PHIP: variants seen among roughly 807,000 people sequenced by gnomAD.
PHIP encodes PHIP subunit of CUL4-Ring ligase complex.
In PHIP, 54 loss-of-function variants were observed where a neutral mutation model predicts 236.8. That is an observed-to-expected ratio of 0.23 (90% CI 0.18 to 0.29). The LOEUF (loss-of-function observed/expected upper bound fraction) is 0.29. Ranked by LOEUF, PHIP falls within the 10% of genes least tolerant of loss-of-function variation. The pLI, the probability that PHIP is intolerant of heterozygous loss-of-function variation, is 1.00. For synonymous variants in PHIP, 756 were observed against 718.9 expected (o/e 1.05, Z -0.83); for missense variants, 1,370 against 2,190.8 (o/e 0.63, Z 7.48).
Position 78,941,062 on chromosome 6 carries a change from A to G in PHIP, c.5097T>C (p.Asn1699=), listed in dbSNP as rs202143050. ...TCTGTAACAAATCTTCCTTTACATTATTAGTTTCAGAAAGAAAATTGCATG... is the reference window on the plus strand; with the variant it reads ...TCTGTAACAAATCTTCCTTTACATTGTTAGTTTCAGAAAGAAAATTGCATG... ...SSTCNFLSET[N]NVKEDLLQKK... is the part of the protein sequence containing the mutation. Residue 1699 remains asparagine (N), a synonymous_variant, in exon 40 of 40, where the codon AAT becomes AAC. Transcript: ENST00000275034. 105 of 1,613,984 alleles carry G rather than the reference A, an allele frequency of 6.5e-5. No individual in the cohort carries two copies. In the East Asian group the frequency reaches 2.3e-3, roughly 35 times the overall value.
At chr6:79,022,641 C>T (rs1438951427) in intron 9 of PHIP, among the ~76,000 whole-genome samples, 1 of 152,162 alleles carries the variant, frequency 6.6e-6, no homozygotes, top group African/African-American at 2.4e-5. Context: ...ATATTATATG[C>T]ATATTTTAGG....
At chr6:78,966,764 TA>T (rs1485326851) in intron 27 of PHIP, among the ~76,000 whole-genome samples, 2 of 152,224 alleles carry the variant, frequency 1.3e-5, no homozygotes, top group Non-Finnish European at 2.9e-5. Flanking sequence ...TTCTGTGTCA[TA>T]AGAAAACTGT....
At chr6:79,009,585 C>T (rs532106574) in intron 15 of PHIP, among the ~76,000 whole-genome samples, 11 of 152,122 alleles carry the variant, frequency 7.2e-5, no homozygotes, top group South Asian at 4.1e-4. Context: ...AAAAAGACCA[C>T]GTCTTATTCT....
At chr6:79,000,284 G>C (rs1184842573) in intron 17 of PHIP, among the ~76,000 whole-genome samples, 2 of 151,850 alleles carry the variant, frequency 1.3e-5, no homozygotes, top group East Asian at 3.9e-4. Context: ...TTATTGCTAT[G>C]GATTCTCTTA....
rs1279364613 is a variant in PHIP at position 78,939,248 on chromosome 6, A to G, written c.*1445T>C. The G allele has an allele frequency of 3.3e-5, 5 of 151,814 alleles. No homozygotes were observed. Among genetic ancestry groups the G allele is most frequent in the Non-Finnish European group, 7.4e-5 (5 of 67,728 alleles). The allele number at this position is 151,814 out of a possible 1,614,324, so 9.4% of individuals were successfully genotyped here. ...CTAAGTCATATAGTTATCATTTACAATAGACAACTTAATTTTACTAATGAT... is the reference window on the plus strand; with the variant it reads ...CTAAGTCATATAGTTATCATTTACAGTAGACAACTTAATTTTACTAATGAT... On this transcript the variant is annotated 3_prime_UTR_variant, in exon 40 of 40. Transcript: ENST00000275034.
rs1773898903 is a variant in PHIP at position 78,947,638 on chromosome 6, T to C, written c.4191A>G (p.Pro1397=). Residue 1397 remains proline (P), a synonymous_variant, in exon 36 of 40, where the codon CCA becomes CCG. Coordinates refer to ENST00000275034, the MANE Select transcript of PHIP (RefSeq NM_017934.7). ...AATTATATACCCTTGATCTTTTGCT[T>C]GGTGTATATGCTTTGGAATTACTGA... is the stretch of plus-strand genomic sequence containing the variant. ...LIFSNSKAYT[P]SKRSRIYSMS... The C allele has an allele frequency of 2.1e-6, 3 of 1,440,350 alleles. No individual in the cohort carries two copies. In the East Asian group the frequency reaches 6.9e-5, roughly 33 times the overall value. 89.2% of individuals were successfully genotyped at this position (1,440,350 alleles called of 1,614,324 possible).
At chr6:79,010,259 G>A (rs1311119163) in intron 15 of PHIP, among the ~76,000 whole-genome samples, 2 of 151,704 alleles carry the variant, frequency 1.3e-5, no homozygotes, top group Admixed American at 1.3e-4. Context: ...CTAAAGTACA[G>A]GTCACACTGA....
At chr6:78,945,247 A>AT in intron 39 of PHIP, 53 bp downstream of exon 39, 1 of 1,290,330 alleles carries the variant, frequency 7.7e-7, no homozygotes, top group Middle Eastern at 1.9e-4. Flanking sequence ...CAACAAAAGC[A>AT]TTATTTATAA....
Position 78,969,886 on chromosome 6 carries a change from G to C in PHIP, c.3154C>G (p.Leu1052Val). The change falls in exon 27 of 40, where the codon CTA becomes GTA. Residue 1052 changes from leucine (L) to valine (V), a missense_variant. By Grantham distance (32) the Leu-to-Val change is conservative (BLOSUM62 1). Transcript: ENST00000275034. ...YHDMPDVIDF[L>V]VLRQQFDDAK... The stretch of plus-strand genomic sequence containing the variant: ...TCATCAAATTGTTGTCTCAAGACTA[G>C]GAAATCTATAACGTCAGGCATATCA... 1 of 1,600,432 alleles carries C rather than the reference G, an allele frequency of 6.2e-7. No individual in the cohort carries two copies. The highest frequency in any genetic ancestry group is 8.5e-7 in the Non-Finnish European group (1 of 1,170,162).
intron 24 of PHIP, among the ~76,000 whole-genome samples, chr6:78,975,473 A>G (rs1287022651): frequency 2.0e-5 from 3 of 152,226 alleles, no homozygotes; most frequent in Non-Finnish European, 4.4e-5. Flanking sequence ...CAAGACAGGG[A>G]TGCTCTCTCT....
intron 6 of PHIP, among the ~76,000 whole-genome samples, chr6:79,057,543 ATG>A (rs2127770053): frequency 6.6e-6 from 1 of 152,222 alleles, no homozygotes; most frequent in African/African-American, 2.4e-5. Flanking sequence ...ACTACCCCAA[ATG>A]TGTCAAAATT....
chr6:78,985,883 C>T (rs1368741011), intron 21 of PHIP, among the ~76,000 whole-genome samples: 1 of 151,884 alleles, frequency 6.6e-6, no homozygotes, highest in East Asian at 1.9e-4. Context: ...AAATTAGTTG[C>T]AAAATACAGC....
chr6:78,945,867 G>C, intron 38 of PHIP, 134 bp downstream of exon 38: 1 of 682,490 alleles, frequency 1.5e-6, no homozygotes, highest in Non-Finnish European at 2.5e-6. Context: ...TTTTAAAATA[G>C]GAAATTAATA....
chr6:78,963,623 G>T (rs1249630491), intron 29 of PHIP, among the ~76,000 whole-genome samples: 1 of 152,088 alleles, frequency 6.6e-6, no homozygotes, highest in Non-Finnish European at 1.5e-5. Context: ...GAACTAAAGT[G>T]ACATTTTCTA....
intron 27 of PHIP, among the ~76,000 whole-genome samples, chr6:78,969,498 C>T (rs1272017186): frequency 6.6e-6 from 1 of 152,078 alleles, no homozygotes; most frequent in African/African-American, 2.4e-5. Flanking sequence ...TAGCTTTAGT[C>T]CCAGTACAAA....
At position 78,935,193 on chromosome 6, in the gene PHIP, G is replaced by T. The variant is rs908902733; in HGVS notation, c.*5500C>A. ...TTATTAGCAGACTTCATAAAGAAAA[G>T]GTTATCAGGAATTTTTTTTACCTTC... is the stretch of plus-strand genomic sequence containing the variant. On this transcript the variant is annotated 3_prime_UTR_variant, in exon 40 of 40. Coordinates refer to ENST00000275034, the MANE Select transcript of PHIP (RefSeq NM_017934.7). 1.3e-5 allele frequency among the ~76,000 whole-genome samples: 2 copies of T among 152,008 alleles called. No homozygotes were observed. Among genetic ancestry groups the T allele is most frequent in the South Asian group, 2.1e-4 (1 of 4,826 alleles).
intron 19 of PHIP, among the ~76,000 whole-genome samples, chr6:78,994,642 C>G (rs986357787): frequency 6.6e-6 from 1 of 152,020 alleles, no homozygotes; most frequent in Non-Finnish European, 1.5e-5. Flanking sequence ...GAGGACTGAC[C>G]CCAGTTTTGA....
chr6:79,056,800 G>T (rs1463840527), intron 6 of PHIP, among the ~76,000 whole-genome samples: 1 of 152,122 alleles, frequency 6.6e-6, no homozygotes, highest in Non-Finnish European at 1.5e-5. Flanking sequence ...ATTAAGTTCT[G>T]GGAGAGCAGA....
chr6:79,014,436 T>C (rs1302252451), intron 15 of PHIP, among the ~76,000 whole-genome samples: 4 of 151,768 alleles, frequency 2.6e-5, no homozygotes, highest in Non-Finnish European at 5.9e-5. Flanking sequence ...ATACAGAAAG[T>C]AGACATTTAA....
Sources: gnomAD v4.1 joint callset for allele counts (sites outside exome capture counted in the v4.1 genomes callset) on GRCh38, gnomAD v4.1.1 for gene constraint, MANE v1.5 for transcripts, NCBI Gene and HGNC (gene_info 2026-07-23, HGNC 2026-07-21) for gene names.